The following RGS6 variants were observed in gnomAD, a reference collection of about 807,000 sequenced individuals.
RGS6 encodes regulator of G-protein signaling 6.
RGS6 carries 30 observed loss-of-function variants against 78.5 expected under a neutral mutation model. The ratio of observed to expected loss-of-function variants is 0.38; its 90% confidence interval spans 0.29 to 0.52. The LOEUF is 0.52. Ranked by LOEUF, RGS6 falls within the 20% of genes least tolerant of loss-of-function variation. RGS6 has a pLI of 0.85. For missense variants in RGS6, 495 were observed against 609.7 expected (o/e 0.81, Z 1.98); for synonymous variants, 206 against 206.0 (o/e 1.00, Z 0.00).
intron 4 of RGS6, 128 bp downstream of exon 4, chr14:72,454,706 TCAC>T: frequency 1.5e-6 from 1 of 669,974 alleles, no homozygotes; most frequent in Non-Finnish European, 2.6e-6. Context: ...AGACGTGGAA[TCAC>T]TCTATTTACA....
intron 6 of RGS6, among the ~76,000 whole-genome samples, chr14:72,462,695 A>G (rs976152762): frequency 2.0e-5 from 3 of 152,130 alleles, no homozygotes; most frequent in Non-Finnish European, 4.4e-5. Context: ...GGATCGGTGA[A>G]TGTCATAGAG....
At chr14:72,171,317 G>A (rs990426347) in intron 2 of RGS6, among the ~76,000 whole-genome samples, 1 of 152,090 alleles carries the variant, frequency 6.6e-6, no homozygotes, top group South Asian at 2.1e-4. Flanking sequence ...AGTCATTATA[G>A]AGAGGAATGA....
At chr14:72,532,801 G>T (rs1363056701) in intron 15 of RGS6, among the ~76,000 whole-genome samples, 1 of 152,216 alleles carries the variant, frequency 6.6e-6, no homozygotes, top group East Asian at 1.9e-4. Context: ...TTCTATGAAG[G>T]CTGAAAGAGG....
At chr14:72,407,787 T>C (rs2093056914) in intron 3 of RGS6, among the ~76,000 whole-genome samples, 1 of 152,250 alleles carries the variant, frequency 6.6e-6, no homozygotes, top group Non-Finnish European at 1.5e-5. Flanking sequence ...CTGGATCATC[T>C]CATGGCCTCT....
intron 15 of RGS6, among the ~76,000 whole-genome samples, chr14:72,529,142 G>C (rs954636604): frequency 6.6e-6 from 1 of 152,230 alleles, no homozygotes; most frequent in Non-Finnish European, 1.5e-5. Context: ...TTCGTTGCTT[G>C]GGGGAGGAGT....
At chr14:72,368,525 C>T (rs780265351) in intron 3 of RGS6, among the ~76,000 whole-genome samples, 9 of 152,120 alleles carry the variant, frequency 5.9e-5, no homozygotes, top group Non-Finnish European at 8.8e-5. Flanking sequence ...TAATAACGTG[C>T]GATGATGGAT....
At chr14:72,333,652 C>T (rs1237226360) in intron 2 of RGS6, among the ~76,000 whole-genome samples, 3 of 152,212 alleles carry the variant, frequency 2.0e-5, no homozygotes, top group Non-Finnish European at 4.4e-5. Flanking sequence ...TGGGCTTAAG[C>T]CCTGAAATGC....
chr14:72,254,037 A>G (rs557545760), intron 2 of RGS6, among the ~76,000 whole-genome samples: 2 of 152,292 alleles, frequency 1.3e-5, no homozygotes, highest in South Asian at 4.1e-4. Flanking sequence ...CTTAACGATG[A>G]TGTTTTGATT....
At chr14:72,274,477 G>A (rs1308555807) in intron 2 of RGS6, among the ~76,000 whole-genome samples, 1 of 152,242 alleles carries the variant, frequency 6.6e-6, no homozygotes, top group East Asian at 1.9e-4. Context: ...AGACCACAGG[G>A]CCGGTTCCCT....
At chr14:72,606,938 A>C in the RGS6 span, among the ~76,000 whole-genome samples, 7 of 152,162 alleles carry the variant, frequency 4.6e-5, no homozygotes, top group Non-Finnish European at 8.8e-5. Context: ...TGAGGTCCTT[A>C]CAAGAAGCAG....
intron 2 of RGS6, among the ~76,000 whole-genome samples, chr14:72,066,138 G>A (rs1299891759): frequency 1.3e-5 from 2 of 152,060 alleles, no homozygotes; most frequent in South Asian, 2.1e-4. Flanking sequence ...AATATGCCTC[G>A]ATTTCAGAAG....
chr14:72,522,976 GTTTC>G (rs2097068691), intron 15 of RGS6, among the ~76,000 whole-genome samples: 4 of 152,244 alleles, frequency 2.6e-5, no homozygotes, highest in African/African-American at 9.6e-5. Context: ...AATTGTGAAT[GTTTC>G]TACATGAGGA....
At chr14:72,621,930 G>A in the RGS6 span, among the ~76,000 whole-genome samples, 3 of 152,286 alleles carry the variant, frequency 2.0e-5, no homozygotes, top group East Asian at 3.9e-4. Context: ...CTCAGCTATA[G>A]ACATGTTCTA....
rs376219828 is a variant in RGS6, at chr14:72,272,886, G to A, written c.85-79209G>A. On this transcript the variant is annotated intron_variant, in intron 2 of 17. Coordinates refer to ENST00000553525, the MANE Select transcript of RGS6 (RefSeq NM_001204424.2). ...TCCCAACACTTAGGGAGGCCAAGGC[G>A]GGTGGATCACCTGATGTCAGGAATT... Among the ~76,000 whole-genome samples the A allele has an allele frequency of 1.4e-3, 217 of 152,316 alleles. 1 individual carries two copies. The highest frequency in any genetic ancestry group is 4.9e-3 in the African/African-American group (202 of 41,562).
chr14:72,467,545 G>T (rs1217062863), intron 7 of RGS6, among the ~76,000 whole-genome samples: 1 of 152,128 alleles, frequency 6.6e-6, no homozygotes, highest in Admixed American at 6.5e-5. Flanking sequence ...CAGCCCAAGT[G>T]TGAATGCGCA....
chr14:72,306,672 A>G (rs1191201301), intron 2 of RGS6, among the ~76,000 whole-genome samples: 1 of 152,238 alleles, frequency 6.6e-6, no homozygotes, highest in African/African-American at 2.4e-5. Context: ...TGGAAATAGC[A>G]AAAGAACTAG....
the RGS6 span, among the ~76,000 whole-genome samples, chr14:71,872,058 G>T: frequency 1.3e-5 from 2 of 152,150 alleles, no homozygotes; most frequent in African/African-American, 2.4e-5. Context: ...TGACAACTTT[G>T]CAGGGAGCAT....
intron 4 of RGS6, among the ~76,000 whole-genome samples, chr14:72,455,869 A>G (rs1009518312): frequency 6.6e-6 from 1 of 152,226 alleles, no homozygotes; most frequent in Non-Finnish European, 1.5e-5. Flanking sequence ...AAACTAAGGA[A>G]CGTGTTTCCT....
chr14:72,607,088 A>C, the RGS6 span, among the ~76,000 whole-genome samples: 1 of 152,074 alleles, frequency 6.6e-6, no homozygotes, highest in South Asian at 2.1e-4. Context: ...CATCCCTCTG[A>C]CTCAGGGCAA....
Sources: gnomAD v4.1 joint callset for allele counts (sites outside exome capture counted in the v4.1 genomes callset) on GRCh38, gnomAD v4.1.1 for gene constraint, MANE v1.5 for transcripts, NCBI Gene and HGNC (gene_info 2026-07-23, HGNC 2026-07-21) for gene names.